SEC22A: variants seen among roughly 807,000 people sequenced by gnomAD.
The protein encoded by SEC22A is SEC22 homolog A, vesicle trafficking protein.
SEC22A carries 22 observed loss-of-function variants against 35.3 expected under a neutral mutation model. That is an observed-to-expected ratio of 0.62 (90% CI 0.45 to 0.89). The LOEUF (loss-of-function observed/expected upper bound fraction) is 0.89, where lower values mean the gene tolerates loss of function less well. Among genes scored for constraint, SEC22A ranks in the 40% least tolerant of loss-of-function variants. The pLI, the probability that SEC22A is intolerant of heterozygous loss-of-function variation, is 0.00. For missense variants in SEC22A, 354 were observed against 362.5 expected (o/e 0.98, Z 0.19); for synonymous variants, 119 against 129.5 (o/e 0.92, Z 0.55).
intron 2 of SEC22A, among the ~76,000 whole-genome samples, chr3:123,223,073 G>A (rs1399582523): frequency 6.6e-6 from 1 of 152,186 alleles, no homozygotes; most frequent in Non-Finnish European, 1.5e-5. Flanking sequence ...TAAAGTAGAG[G>A]ATTTGATTCT....
At chr3:123,208,719 C>CAAA (rs112639427) in intron 1 of SEC22A, 1,911 of 135,266 alleles carry the variant, frequency 0.014, 42 homozygotes, top group African/African-American at 0.05. Context: ...GATGCTGTCT[C>CAAA]AAAAAAAAAA....
intron 4 of SEC22A, among the ~76,000 whole-genome samples, chr3:123,228,364 C>T (rs757590328): frequency 3.5e-5 from 5 of 142,676 alleles, no homozygotes; most frequent in South Asian, 2.2e-4. Flanking sequence ...TGGGAGTTCA[C>T]GACCAGCCTG....
intron 2 of SEC22A, among the ~76,000 whole-genome samples, chr3:123,217,244 C>G (rs2108038336): frequency 6.6e-6 from 1 of 151,890 alleles, no homozygotes; most frequent in Admixed American, 6.6e-5. Context: ...GTCGCCCAGG[C>G]TGGAGTGCAA....
chr3:123,221,126 C>T (rs375417385), intron 2 of SEC22A, among the ~76,000 whole-genome samples: 3 of 144,888 alleles, frequency 2.1e-5, no homozygotes, highest in East Asian at 1.9e-4. Context: ...CTATGTTATT[C>T]GAGAAAGAAA....
At chr3:123,226,094 G>T (rs1214979023) in intron 4 of SEC22A, among the ~76,000 whole-genome samples, 2 of 152,140 alleles carry the variant, frequency 1.3e-5, no homozygotes, top group Non-Finnish European at 2.9e-5. Flanking sequence ...TAATCCGTTT[G>T]TCTGATGATG....
intron 6 of SEC22A, among the ~76,000 whole-genome samples, chr3:123,270,646 T>C (rs560475218): frequency 6.6e-6 from 1 of 152,320 alleles, no homozygotes; most frequent in African/African-American, 2.4e-5. Flanking sequence ...ATAGATTCTG[T>C]TGAAAGCCTA....
intron 4 of SEC22A, among the ~76,000 whole-genome samples, chr3:123,236,073 T>G (rs936478576): frequency 6.6e-6 from 1 of 152,160 alleles, no homozygotes; most frequent in Non-Finnish European, 1.5e-5. Flanking sequence ...TGACTACTAA[T>G]AGGTATAAGA....
At chr3:123,234,374 T>C (rs1325509963) in intron 4 of SEC22A, among the ~76,000 whole-genome samples, 2 of 152,158 alleles carry the variant, frequency 1.3e-5, no homozygotes, top group African/African-American at 4.8e-5. Flanking sequence ...TCCAAACTTA[T>C]TACCAACCTA....
chr3:123,265,757 T>C (rs1462250084), intron 6 of SEC22A, among the ~76,000 whole-genome samples: 1 of 152,196 alleles, frequency 6.6e-6, no homozygotes. Context: ...CCAAGGTTCC[T>C]TTGTCTATAT....
At chr3:123,233,099 C>T (rs982899920) in intron 4 of SEC22A, among the ~76,000 whole-genome samples, 6 of 152,126 alleles carry the variant, frequency 3.9e-5, no homozygotes, top group African/African-American at 1.4e-4. Flanking sequence ...CACTGCACTC[C>T]AGCCTGGGTG....
At chr3:123,258,523 A>C (rs1235809718) in intron 5 of SEC22A, among the ~76,000 whole-genome samples, 2 of 152,196 alleles carry the variant, frequency 1.3e-5, no homozygotes, top group African/African-American at 2.4e-5. Context: ...TCTGGGGTGC[A>C]ACTGGCCTGA....
chr3:123,248,592 T>G (rs1937585074), intron 5 of SEC22A, among the ~76,000 whole-genome samples: 1 of 152,188 alleles, frequency 6.6e-6, no homozygotes, highest in Non-Finnish European at 1.5e-5. Flanking sequence ...AAGATCTAAA[T>G]AAATGGAGAG....
At chr3:123,214,334 A>T (rs1168485408) in intron 2 of SEC22A, among the ~76,000 whole-genome samples, 1 of 152,240 alleles carries the variant, frequency 6.6e-6, no homozygotes, top group Non-Finnish European at 1.5e-5. Flanking sequence ...AATGAAGGAC[A>T]TTCTGTGGAG....
chr3:123,227,279 T>G (rs1208152432), intron 4 of SEC22A, among the ~76,000 whole-genome samples: 3 of 152,164 alleles, frequency 2.0e-5, no homozygotes, highest in Non-Finnish European at 4.4e-5. Flanking sequence ...CTATGTCTAC[T>G]AGTTTGTTTT....
chr3:123,209,468 T>A lies in SEC22A; in HGVS notation c.182+69T>A, dbSNP rs559612543. ...TGTCATTTTAATGAAGTTTAAGTGGTTGCAATAGAAAGGAGTGATTAGGAA... is the reference window on the plus strand; with the variant it reads ...TGTCATTTTAATGAAGTTTAAGTGGATGCAATAGAAAGGAGTGATTAGGAA... On this transcript the variant is annotated intron_variant, in intron 2 of 6. Transcript: ENST00000492595. 1.5e-5 allele frequency: 20 copies of A among 1,327,172 alleles called. 1 individual carries two copies. The African/African-American group carries it at 2.9e-4, about 19-fold the overall frequency. 82.2% of individuals were successfully genotyped at this position (1,327,172 alleles called of 1,614,324 possible).
At chr3:123,209,652 A>G (rs912154162) in intron 2 of SEC22A, among the ~76,000 whole-genome samples, 2 of 152,144 alleles carry the variant, frequency 1.3e-5, no homozygotes, top group African/African-American at 4.8e-5. Flanking sequence ...CTAAATATTT[A>G]TTTGCATTCT....
chr3:123,218,817 G>C (rs1365089258), intron 2 of SEC22A, among the ~76,000 whole-genome samples: 1 of 152,096 alleles, frequency 6.6e-6, no homozygotes, highest in East Asian at 1.9e-4. Context: ...TGCCACCTTT[G>C]CACTCATTTA....
chr3:123,223,457 C>T, intron 2 of SEC22A, 102 bp from the exon 3 acceptor site: 1 of 840,206 alleles, frequency 1.2e-6, no homozygotes, highest in East Asian at 2.5e-5. Context: ...ATCTTCATTG[C>T]CACCGTAGTA....
intron 1 of SEC22A, chr3:123,204,961 C>T (rs1417251889): frequency 6.6e-6 from 1 of 152,196 alleles, no homozygotes; most frequent in Non-Finnish European, 1.5e-5. Context: ...CACAACCCTC[C>T]TTAAGACCTT....
Sources: allele counts gnomAD v4.1 joint callset (sites outside exome capture counted in the v4.1 genomes callset), GRCh38; gene constraint gnomAD v4.1.1; transcripts MANE v1.5; gene names NCBI Gene and HGNC (gene_info 2026-07-23, HGNC 2026-07-21).